The following SPECC1 variants were observed in gnomAD, a reference collection of about 807,000 sequenced individuals.
SPECC1 encodes sperm antigen with calponin homology and coiled-coil domains 1, also known as cytospin-B.
In SPECC1, 62 loss-of-function variants were observed where a neutral mutation model predicts 104.1. The observed-to-expected ratio is 0.60, with a 90% CI of 0.49 to 0.74. The LOEUF (loss-of-function observed/expected upper bound fraction) is 0.74, where lower values mean the gene tolerates loss of function less well. SPECC1 is among the 30% of genes least tolerant of loss of function. The pLI is 0.00. For missense variants in SPECC1, 1,306 were observed against 1,310.5 expected (o/e 1.00, Z 0.05); for synonymous variants, 513 against 501.6 (o/e 1.02, Z -0.30).
chr17:20,216,932 G>A (rs2037528243), intron 4 of SPECC1, among the ~76,000 whole-genome samples: 1 of 151,994 alleles, frequency 6.6e-6, no homozygotes, highest in African/African-American at 2.4e-5. Context: ...GCTGAGGCAG[G>A]AGGATCACTT....
intron 3 of SPECC1, among the ~76,000 whole-genome samples, chr17:20,128,449 G>C (rs2049433603): frequency 6.6e-6 from 1 of 152,204 alleles, no homozygotes. Flanking sequence ...AGTGCTGTCA[G>C]ATCACAAGGA....
At position 20,158,766 on chromosome 17, in the gene SPECC1, T is replaced by G. The variant is rs960403838; in HGVS notation, c.284-45567T>G. ...ATGGCAAGTTCGGTTTTTTTTGTTC[T>G]GTTTTGTTTTTTGAGACAAGGTCTG... On this transcript the variant is annotated intron_variant, in intron 3 of 14. Transcript: ENST00000395527. Among the ~76,000 whole-genome samples the G allele has an allele frequency of 2.6e-5, 4 of 152,274 alleles. No homozygotes were observed. The East Asian group carries it at 7.7e-4, about 29-fold the overall frequency.
At chr17:20,266,443 G>C (rs1003467740) in intron 12 of SPECC1, among the ~76,000 whole-genome samples, 3 of 152,198 alleles carry the variant, frequency 2.0e-5, no homozygotes, top group Non-Finnish European at 4.4e-5. Context: ...AATTAGCCGG[G>C]CGTGGTGGCA....
intron 7 of SPECC1, chr17:20,237,489 A>G (rs368917865): frequency 1.5e-5 from 3 of 203,588 alleles, no homozygotes; most frequent in East Asian, 8.3e-5. Context: ...TAATTTTTGT[A>G]TTGTTAGTAG....
chr17:20,131,169 A>G (rs1308613319), intron 3 of SPECC1, among the ~76,000 whole-genome samples: 1 of 152,116 alleles, frequency 6.6e-6, no homozygotes, highest in African/African-American at 2.4e-5. Context: ...CAATCATGTC[A>G]TCTACAAATA....
At chr17:20,041,629 T>G (rs2045333138) in intron 1 of SPECC1, among the ~76,000 whole-genome samples, 1 of 136,118 alleles carries the variant, frequency 7.3e-6, no homozygotes, top group African/African-American at 2.7e-5. Context: ...GCTTTTTTTT[T>G]TTTTTTTTTT....
intron 3 of SPECC1, chr17:20,111,980 A>G: frequency 2.5e-6 from 2 of 790,162 alleles, no homozygotes; most frequent in Non-Finnish European, 4.6e-6. Context: ...GATTGATGAT[A>G]TTGCTTTGAT....
chr17:20,212,737 G>A (rs139000091), intron 4 of SPECC1, among the ~76,000 whole-genome samples: 196 of 152,300 alleles, frequency 1.3e-3, no homozygotes, highest in Middle Eastern at 6.8e-3. Context: ...TGTAATTTTA[G>A]CATTGCAATT....
intron 1 of SPECC1, among the ~76,000 whole-genome samples, chr17:20,041,752 T>G (rs1435279829): frequency 6.7e-6 from 1 of 150,298 alleles, no homozygotes; most frequent in Non-Finnish European, 1.5e-5. Flanking sequence ...GGCTCCCGAG[T>G]AGCTGGGACT....
chr17:20,202,726 A>AT, intron 3 of SPECC1, among the ~76,000 whole-genome samples: 1 of 152,290 alleles, frequency 6.6e-6, no homozygotes, highest in Non-Finnish European at 1.5e-5. Context: ...ACAATAGGCT[A>AT]TTAGTAGTTA....
intron 13 of SPECC1, among the ~76,000 whole-genome samples, chr17:20,302,100 A>C (rs2041606254): frequency 6.6e-6 from 1 of 152,190 alleles, no homozygotes; most frequent in South Asian, 2.1e-4. Context: ...CAGGTAGTGG[A>C]CTGGACCTTG....
intron 4 of SPECC1, among the ~76,000 whole-genome samples, chr17:20,206,416 T>C (rs903791702): frequency 6.6e-6 from 1 of 152,248 alleles, no homozygotes; most frequent in Non-Finnish European, 1.5e-5. Flanking sequence ...CTTCCAGATA[T>C]ATGTGTGTGT....
At chr17:20,080,555 G>A (rs1031616429) in intron 1 of SPECC1, among the ~76,000 whole-genome samples, 2 of 151,982 alleles carry the variant, frequency 1.3e-5, no homozygotes, top group African/African-American at 4.8e-5. Context: ...AGCAACAAGC[G>A]GCCTACCTTG....
chr17:20,038,777 T>C (rs1440446817), intron 1 of SPECC1, among the ~76,000 whole-genome samples: 1 of 152,200 alleles, frequency 6.6e-6, no homozygotes, highest in Non-Finnish European at 1.5e-5. Context: ...ATATCAGAAA[T>C]GAATATCTTT....
chr17:20,076,204 T>C (rs1293500338), intron 1 of SPECC1, among the ~76,000 whole-genome samples: 2 of 152,236 alleles, frequency 1.3e-5, no homozygotes, highest in African/African-American at 4.8e-5. Flanking sequence ...CAATTATTAC[T>C]ATATTATTCT....
rs546362593 is a variant in SPECC1 at position 20,201,437 on chromosome 17, G to A, written c.284-2896G>A. On this transcript the variant is annotated intron_variant, in intron 3 of 14. Transcript: ENST00000395527. ...GCAGAGGTTGCAGTGAGCTGAGGTCGCACATTGCATTCCAGCCTGGGCAAC... is the reference window on the plus strand; with the variant it reads ...GCAGAGGTTGCAGTGAGCTGAGGTCACACATTGCATTCCAGCCTGGGCAAC... 1.0e-3 allele frequency among the ~76,000 whole-genome samples: 159 copies of A among 152,200 alleles called. 1 individual carries two copies. The highest frequency in any genetic ancestry group is 4.1e-3 in the Admixed American group (62 of 15,276).
intron 12 of SPECC1, among the ~76,000 whole-genome samples, chr17:20,260,551 C>T (rs2039989381): frequency 6.6e-6 from 1 of 152,228 alleles, no homozygotes; most frequent in Non-Finnish European, 1.5e-5. Context: ...GCTGCACCTC[C>T]CGAGGGAAGG....
At chr17:20,130,953 C>T (rs1222035484) in intron 3 of SPECC1, among the ~76,000 whole-genome samples, 1 of 152,156 alleles carries the variant, frequency 6.6e-6, no homozygotes, top group Non-Finnish European at 1.5e-5. Flanking sequence ...GTTAGATTTA[C>T]ACCTAAGTAT....
At chr17:20,193,390 G>A (rs535675578) in intron 3 of SPECC1, among the ~76,000 whole-genome samples, 3 of 152,216 alleles carry the variant, frequency 2.0e-5, no homozygotes, top group Admixed American at 6.5e-5. Flanking sequence ...TCAAGATGGA[G>A]TTGTTCTGGT....
Sources: gnomAD v4.1 joint callset for allele counts (sites outside exome capture counted in the v4.1 genomes callset) on GRCh38, gnomAD v4.1.1 for gene constraint, MANE v1.5 for transcripts, NCBI Gene and HGNC (gene_info 2026-07-23, HGNC 2026-07-21) for gene names.